Variants in ABCC9 observed in about 807,000 individuals in gnomAD.
ABCC9 encodes ATP-binding cassette sub-family C member 9.
A neutral mutation model predicts 188.3 loss-of-function variants in ABCC9; 95 were observed. The ratio of observed to expected loss-of-function variants is 0.50; its 90% CI spans 0.43 to 0.60. The LOEUF (loss-of-function observed/expected upper bound fraction) is 0.60, where lower values mean the gene tolerates loss of function less well. ABCC9 is among the 20% of genes least tolerant of loss of function. ABCC9 has a pLI of 0.00. For synonymous variants in ABCC9, 659 were observed against 652.7 expected (o/e 1.01, Z -0.15); for missense variants, 1,102 against 1,876.3 (o/e 0.59, Z 7.62).
chr12:21,798,701 G>C lies in ABCC9; in HGVS notation c.*2343C>G, dbSNP rs1432372650. Reference sequence around the variant, plus strand: ...GAAGTCAGTGTGGCGATTCCTCAGGGATCTAGAACTAGAAATACCATTTGA... The same window carrying C: ...GAAGTCAGTGTGGCGATTCCTCAGGCATCTAGAACTAGAAATACCATTTGA... On this transcript the variant is annotated 3_prime_UTR_variant, in exon 40 of 40. Transcript: ENST00000261200. 1.3e-5 allele frequency: 2 copies of C among 151,728 alleles called. No homozygotes were observed. Among genetic ancestry groups the C allele is most frequent in the African/African-American group, 2.4e-5 (1 of 41,270 alleles). 9.4% of individuals were successfully genotyped at this position (151,728 alleles called of 1,614,324 possible).
At chr12:21,850,966 T>C (rs1181465327) in intron 24 of ABCC9, among the ~76,000 whole-genome samples, 1 of 152,118 alleles carries the variant, frequency 6.6e-6, no homozygotes, top group African/African-American at 2.4e-5. Flanking sequence ...TATCTTTTCT[T>C]CTTTGTGTGG....
At chr12:21,818,561 T>A (rs988960319) in intron 31 of ABCC9, among the ~76,000 whole-genome samples, 19 of 142,744 alleles carry the variant, frequency 1.3e-4, no homozygotes, top group South Asian at 1.3e-3. Context: ...TGTGTGTGTG[T>A]GATATGGGTT....
At chr12:21,929,575 T>TA (rs1182643296) in intron 4 of ABCC9, among the ~76,000 whole-genome samples, 1 of 151,990 alleles carries the variant, frequency 6.6e-6, no homozygotes, top group Non-Finnish European at 1.5e-5. Context: ...AGGTTTTATT[T>TA]AAAAAAAGAA....
At chr12:21,829,295 G>C (rs768321680) in intron 30 of ABCC9, among the ~76,000 whole-genome samples, 1 of 129,280 alleles carries the variant, frequency 7.7e-6, no homozygotes, top group African/African-American at 2.8e-5. Context: ...TCCGCCTCCC[G>C]GGCTCACACC....
In ABCC9 at chr12:21,876,840, A is replaced by G. The variant is rs139422623; in HGVS notation, c.2020-1114T>C. 3.3e-4 allele frequency among the ~76,000 whole-genome samples: 51 copies of G among 152,338 alleles called. 1 individual carries two copies. Among genetic ancestry groups the G allele is most frequent in the African/African-American group, 1.1e-3 (47 of 41,580 alleles). Reference sequence around the variant, plus strand: ...AGGAATTTTGCAGAATGGATTTGTGATATCTGAATTATAACTACATATAAC... The same window carrying G: ...AGGAATTTTGCAGAATGGATTTGTGGTATCTGAATTATAACTACATATAAC... On this transcript the variant is annotated intron_variant, in intron 16 of 39. Coordinates refer to ENST00000261200, the MANE Select transcript of ABCC9 (RefSeq NM_020297.4).
At chr12:21,860,328 G>A (rs1052680450) in intron 21 of ABCC9, among the ~76,000 whole-genome samples, 1 of 152,150 alleles carries the variant, frequency 6.6e-6, no homozygotes, top group Non-Finnish European at 1.5e-5. Context: ...ACTAATCCTG[G>A]CTACACCACT....
intron 16 of ABCC9, among the ~76,000 whole-genome samples, chr12:21,881,093 C>T (rs992315157): frequency 2.0e-5 from 3 of 151,842 alleles, no homozygotes; most frequent in Admixed American, 6.6e-5. Flanking sequence ...AAAATATGTT[C>T]TTAGGGAAGC....
intron 39 of ABCC9, among the ~76,000 whole-genome samples, chr12:21,803,590 G>C (rs1941630240): frequency 6.6e-6 from 1 of 150,966 alleles, no homozygotes. Context: ...AGAAGGCGGA[G>C]GTTGCGGTGA....
At chr12:21,862,812 C>A (rs904895170) in intron 20 of ABCC9, 141 bp downstream of exon 20, 13 of 648,756 alleles carry the variant, frequency 2.0e-5, no homozygotes, top group Non-Finnish European at 3.6e-5. Flanking sequence ...ATTCAAAAGA[C>A]CTTGGTGATG....
chr12:21,877,064 GC>G (rs1329191839), intron 16 of ABCC9, among the ~76,000 whole-genome samples: 4 of 152,176 alleles, frequency 2.6e-5, no homozygotes, highest in Non-Finnish European at 5.9e-5. Context: ...ATTACTGATT[GC>G]TTTGTAAATA....
chr12:21,820,257 A>T (rs1272782431), intron 31 of ABCC9, among the ~76,000 whole-genome samples: 1 of 152,144 alleles, frequency 6.6e-6, no homozygotes, highest in African/African-American at 2.4e-5. Context: ...CATTAAAAAA[A>T]ATATGTCATC....
At chr12:21,814,902 G>T (rs1328193710) in intron 34 of ABCC9, among the ~76,000 whole-genome samples, 180 bp from the exon 35 acceptor site, 2 of 152,018 alleles carry the variant, frequency 1.3e-5, no homozygotes, top group Non-Finnish European at 2.9e-5. Context: ...ATAAAAACAG[G>T]CTGGGCACAA....
At chr12:21,895,369 G>A in intron 12 of ABCC9, 54 bp from the exon 13 acceptor site, 5 of 1,457,126 alleles carry the variant, frequency 3.4e-6, no homozygotes. Flanking sequence ...AACATTTTCA[G>A]TAACTTTAAT....
At chr12:21,893,506 C>T (rs1947268873) in intron 14 of ABCC9, among the ~76,000 whole-genome samples, 1 of 152,114 alleles carries the variant, frequency 6.6e-6, no homozygotes, top group Admixed American at 6.6e-5. Flanking sequence ...CTTTGACCTA[C>T]CACCACTTCA....
At chr12:21,920,268 G>T (rs1195115665) in intron 5 of ABCC9, among the ~76,000 whole-genome samples, 1 of 151,934 alleles carries the variant, frequency 6.6e-6, no homozygotes, top group Non-Finnish European at 1.5e-5. Flanking sequence ...AAAGAAAAAA[G>T]AAGGCATAAA....
chr12:21,937,534 C>A (rs1334622943), intron 2 of ABCC9, among the ~76,000 whole-genome samples: 1 of 152,126 alleles, frequency 6.6e-6, no homozygotes, highest in Non-Finnish European at 1.5e-5. Flanking sequence ...GTGACGTGCT[C>A]TCACTTACAT....
intron 24 of ABCC9, among the ~76,000 whole-genome samples, chr12:21,850,866 G>T (rs1944929361): frequency 6.6e-6 from 1 of 152,028 alleles, no homozygotes. Flanking sequence ...CTGTTTTGGG[G>T]TTTGTTGTTT....
At chr12:21,860,097 A>AG (rs1469136659) in intron 21 of ABCC9, among the ~76,000 whole-genome samples, 2 of 151,992 alleles carry the variant, frequency 1.3e-5, no homozygotes, top group African/African-American at 4.8e-5. Flanking sequence ...ACTTTAAAAA[A>AG]AAAACTAGTA....
chr12:21,855,610 C>T (rs367764693), intron 22 of ABCC9, among the ~76,000 whole-genome samples: 2 of 152,152 alleles, frequency 1.3e-5, no homozygotes, highest in Admixed American at 6.6e-5. Context: ...GTAGTTATGA[C>T]CACTCTTGGA....
Sources: gnomAD v4.1 joint callset for allele counts (sites outside exome capture counted in the v4.1 genomes callset) on GRCh38, gnomAD v4.1.1 for gene constraint, MANE v1.5 for transcripts, NCBI Gene and HGNC (gene_info 2026-07-23, HGNC 2026-07-21) for gene names.